The following DSCAM variants were observed in gnomAD, a reference collection of about 807,000 sequenced individuals.
DSCAM encodes the protein cell adhesion molecule DSCAM.
A neutral mutation model predicts 217.7 loss-of-function variants in DSCAM; 47 were observed. That is an observed-to-expected ratio of 0.22 (90% CI 0.17 to 0.28). The LOEUF (loss-of-function observed/expected upper bound fraction) is 0.28. Ranked by LOEUF, DSCAM falls within the 10% of genes least tolerant of loss-of-function variation. DSCAM has a pLI of 1.00. For synonymous variants in DSCAM, 1,056 were observed against 1,015.3 expected, an observed-to-expected ratio of 1.04 and a Z score of -0.76; for missense variants, 2,080 against 2,618.3, an observed-to-expected ratio of 0.79 and a Z score of 4.49.
At chr21:40,705,119 A>C (rs907735264) in intron 2 of DSCAM, among the ~76,000 whole-genome samples, 1 of 152,188 alleles carries the variant, frequency 6.6e-6, no homozygotes, top group African/African-American at 2.4e-5. Flanking sequence ...TAAGGTTGAG[A>C]ACTAGTTGAG....
intron 16 of DSCAM, among the ~76,000 whole-genome samples, chr21:40,165,362 G>A (rs1568976761): frequency 6.6e-6 from 1 of 152,212 alleles, no homozygotes; most frequent in Non-Finnish European, 1.5e-5. Context: ...CTAAGCTGGT[G>A]ACAGGGCAGC....
At chr21:40,577,577 C>G (rs1047071704) in intron 3 of DSCAM, among the ~76,000 whole-genome samples, 7 of 151,850 alleles carry the variant, frequency 4.6e-5, no homozygotes, top group African/African-American at 1.7e-4. Context: ...AGAGAAAACG[C>G]CACACTTTGG....
chr21:40,803,352 C>G (rs1470825867), intron 1 of DSCAM, among the ~76,000 whole-genome samples: 1 of 152,198 alleles, frequency 6.6e-6, no homozygotes, highest in African/African-American at 2.4e-5. Context: ...CGTGAGCACA[C>G]ATATGCTACC....
At chr21:40,819,835 C>T (rs2091911518) in intron 1 of DSCAM, among the ~76,000 whole-genome samples, 1 of 152,198 alleles carries the variant, frequency 6.6e-6, no homozygotes, top group Non-Finnish European at 1.5e-5. Context: ...CCTCACTCCC[C>T]TCTTATCTTT....
Position 40,042,168 on chromosome 21 carries a change from G to A in DSCAM, c.5686+203C>T, listed in dbSNP as rs116536400. 6.4e-3 allele frequency among the ~76,000 whole-genome samples: 974 copies of A among 152,234 alleles called. 12 individuals carry two copies. The highest frequency in any genetic ancestry group is 0.022 in the African/African-American group (895 of 41,544). On this transcript the variant is annotated intron_variant, in intron 32 of 32. Coordinates refer to ENST00000400454, the MANE Select transcript of DSCAM (RefSeq NM_001389.5). ...CAGCATGGTACCCTCACTAGGTCCC[G>A]CCCAAATTTCAGATTCATAAACAAA...
At chr21:40,742,081 C>T (rs1035423216) in intron 1 of DSCAM, among the ~76,000 whole-genome samples, 4 of 152,178 alleles carry the variant, frequency 2.6e-5, no homozygotes, top group Non-Finnish European at 2.9e-5. Context: ...TATGTACAAC[C>T]TAGACAGTCA....
chr21:40,657,854 G>A (rs1452011175), intron 3 of DSCAM, among the ~76,000 whole-genome samples: 1 of 152,096 alleles, frequency 6.6e-6, no homozygotes, highest in Non-Finnish European at 1.5e-5. Flanking sequence ...GGAGAGTAAG[G>A]GACTGGAGTG....
intron 6 of DSCAM, 121 bp from the exon 7 acceptor site, chr21:40,339,536 T>A: frequency 9.8e-7 from 1 of 1,024,314 alleles, no homozygotes; most frequent in Non-Finnish European, 1.4e-6. Context: ...CAAAAAGGTC[T>A]GGTTTTCCTG....
intron 20 of DSCAM, among the ~76,000 whole-genome samples, chr21:40,113,310 A>C (rs1465845124): frequency 6.6e-6 from 1 of 152,120 alleles, no homozygotes; most frequent in African/African-American, 2.4e-5. Context: ...AAAGACAAAA[A>C]CCACATGATT....
chr21:40,443,833 C>T (rs1457286605), intron 3 of DSCAM, among the ~76,000 whole-genome samples: 1 of 152,156 alleles, frequency 6.6e-6, no homozygotes, highest in Non-Finnish European at 1.5e-5. Flanking sequence ...TTTAATTATT[C>T]TACCAGATTT....
chr21:40,738,430 A>C (rs1371274193), intron 1 of DSCAM, among the ~76,000 whole-genome samples: 2 of 152,130 alleles, frequency 1.3e-5, no homozygotes, highest in Non-Finnish European at 2.9e-5. Context: ...TGTAACAAAT[A>C]AACCCCAGAA....
chr21:40,373,973 T>C lies in DSCAM; in HGVS notation c.509-4728A>G, dbSNP rs545216027. On this transcript the variant is annotated intron_variant, in intron 3 of 32. Transcript: ENST00000400454. The stretch of plus-strand genomic sequence containing the variant: ...TGCATTTATGTCATCTAGCAGATAG[T>C]CATGCATCTACTGCACAGCAGAGTG... Among the ~76,000 whole-genome samples the C allele has an allele frequency of 1.7e-3, 258 of 152,344 alleles. 2 individuals are homozygous for C. Among genetic ancestry groups the C allele is most frequent in the African/African-American group, 4.8e-3 (198 of 41,584 alleles).
chr21:40,542,670 C>G (rs1472400556), intron 3 of DSCAM, among the ~76,000 whole-genome samples: 1 of 152,240 alleles, frequency 6.6e-6, no homozygotes, highest in Non-Finnish European at 1.5e-5. Context: ...AACCTGATCT[C>G]AGACTTCCAG....
chr21:40,014,688 T>C (rs28430430), intron 32 of DSCAM, among the ~76,000 whole-genome samples: 48,765 of 152,072 alleles, frequency 0.32, 8,332 homozygotes, highest in Middle Eastern at 0.47. Flanking sequence ...ACCTCTGTTA[T>C]GGTCTCCAGA....
chr21:40,173,968 G>T (rs530452235), intron 15 of DSCAM, among the ~76,000 whole-genome samples: 1 of 152,110 alleles, frequency 6.6e-6, no homozygotes, highest in Admixed American at 6.5e-5. Flanking sequence ...TCCCAAACTC[G>T]GTCACAAGGC....
At chr21:40,607,972 C>A (rs1218175927) in intron 3 of DSCAM, among the ~76,000 whole-genome samples, 1 of 152,084 alleles carries the variant, frequency 6.6e-6, no homozygotes, top group Non-Finnish European at 1.5e-5. Flanking sequence ...TTCTCAGAGG[C>A]TGCAGTGAAG....
chr21:40,472,343 T>C (rs1350739766), intron 3 of DSCAM, among the ~76,000 whole-genome samples: 1 of 152,228 alleles, frequency 6.6e-6, no homozygotes, highest in East Asian at 1.9e-4. Flanking sequence ...ACCTTCATAC[T>C]GAATCAAATT....
chr21:40,255,471 C>A (rs1208149792), intron 11 of DSCAM, among the ~76,000 whole-genome samples: 1 of 152,166 alleles, frequency 6.6e-6, no homozygotes, highest in Non-Finnish European at 1.5e-5. Context: ...ATCTAGGGAA[C>A]ATAAATATGT....
chr21:40,249,779 G>C (rs1481853461), intron 11 of DSCAM, among the ~76,000 whole-genome samples: 1 of 152,134 alleles, frequency 6.6e-6, no homozygotes, highest in Non-Finnish European at 1.5e-5. Context: ...TGGCTTCATG[G>C]GGAAAATGCA....
Sources: allele counts gnomAD v4.1 joint callset (sites outside exome capture counted in the v4.1 genomes callset), GRCh38; gene constraint gnomAD v4.1.1; transcripts MANE v1.5; gene names NCBI Gene and HGNC (gene_info 2026-07-23, HGNC 2026-07-21).